Variants in SLC12A7 observed in about 807,000 individuals in gnomAD.
SLC12A7 encodes the protein solute carrier family 12 member 7.
A neutral mutation model predicts 120.6 loss-of-function variants in SLC12A7; 100 were observed. The observed-to-expected ratio is 0.83, with a 90% CI of 0.71 to 0.98. The LOEUF (loss-of-function observed/expected upper bound fraction) is 0.98, where lower values mean the gene tolerates loss of function less well. Among genes scored for constraint, SLC12A7 ranks in the 50% least tolerant of loss-of-function variants. SLC12A7 has a pLI of 0.00. For missense variants in SLC12A7, 1,373 were observed against 1,548.1 expected (o/e 0.89, Z 1.90); for synonymous variants, 760 against 678.0 (o/e 1.12, Z -1.88).
At chr5:1,144,151 G>A in the SLC12A7 span, among the ~76,000 whole-genome samples, 1 of 152,182 alleles carries the variant, frequency 6.6e-6, no homozygotes, top group Admixed American at 6.5e-5. Context: ...AGAGGACGTG[G>A]ACGCACCCAC....
upstream of SLC12A7, among the ~76,000 whole-genome samples, chr5:1,114,887 T>A (rs1390051403): frequency 6.6e-6 from 1 of 152,206 alleles, no homozygotes; most frequent in Non-Finnish European, 1.5e-5. Flanking sequence ...GGTGGCTTCG[T>A]CATGAATTCA....
At chr5:1,123,936 C>T in the SLC12A7 span, among the ~76,000 whole-genome samples, 1 of 152,228 alleles carries the variant, frequency 6.6e-6, no homozygotes, top group Non-Finnish European at 1.5e-5. Context: ...AAATATTTGG[C>T]TTGCATCACG....
At chr5:1,099,505 GC>G (rs1741781689) in intron 1 of SLC12A7, among the ~76,000 whole-genome samples, 13 of 151,652 alleles carry the variant, frequency 8.6e-5, no homozygotes, top group South Asian at 2.1e-4. Flanking sequence ...CCGGGGGACG[GC>G]AGGCATCCTC....
intron 10 of SLC12A7, 87 bp downstream of exon 10, chr5:1,079,311 C>CGAGGGTATGATGCTGAGCCGGG (rs1738730876): frequency 4.8e-6 from 5 of 1,032,460 alleles, no homozygotes; most frequent in African/African-American, 3.2e-5. Flanking sequence ...TGCTGGTGGC[C>CGAGGGTATGATGCTGAGCCGGG]GAGGGTATGA....
the SLC12A7 span, among the ~76,000 whole-genome samples, chr5:1,128,336 A>G: frequency 3.9e-5 from 6 of 152,248 alleles, no homozygotes; most frequent in African/African-American, 2.4e-5. Context: ...AGTCAGGCCC[A>G]GTGGAAACTG....
In SLC12A7 at chr5:1,078,627, C is replaced by G. The variant is rs1270677797; in HGVS notation, c.1454+74G>C. The G allele has an allele frequency of 2.7e-5, 34 of 1,281,642 alleles. No individual in the cohort carries two copies. In the South Asian group the frequency reaches 3.7e-4, roughly 14 times the overall value. The allele number at this position is 1,281,642 out of a possible 1,614,324, so 79.4% of individuals were successfully genotyped here. A position where few individuals can be genotyped will look rare whatever the true frequency, so the allele number is the denominator to read the frequency against. ...ATGAAGTCCTAGGGCGATGTAATTTCAAAGCCGAATTCATCCTCAGGAAAA... is the reference window on the plus strand; with the variant it reads ...ATGAAGTCCTAGGGCGATGTAATTTGAAAGCCGAATTCATCCTCAGGAAAA... On this transcript the variant is annotated intron_variant, in intron 11 of 23. Transcript: ENST00000264930.
At chr5:1,155,135 G>C in the SLC12A7 span, among the ~76,000 whole-genome samples, 3 of 112,358 alleles carry the variant, frequency 2.7e-5, no homozygotes, top group African/African-American at 1.0e-4. Context: ...CGGGACCCCC[G>C]TGTGAGCAGC....
chr5:1,152,677 GC>G, the SLC12A7 span, among the ~76,000 whole-genome samples: 1 of 152,078 alleles, frequency 6.6e-6, no homozygotes, highest in African/African-American at 2.4e-5. Flanking sequence ...GAACGGAGAC[GC>G]CCCCCGGACC....
rs755176624 is a variant in SLC12A7 at position 1,060,331 on chromosome 5, G to A, written c.2847+13C>T. ...CAGAAAGCCTGGTGTCTGTGGCCACGGCCCCCACGTACCTCTCGCTCCTGC... is the reference window on the plus strand; with the variant it reads ...CAGAAAGCCTGGTGTCTGTGGCCACAGCCCCCACGTACCTCTCGCTCCTGC... On this transcript the variant is annotated intron_variant, in intron 21 of 23. Coordinates refer to ENST00000264930, the MANE Select transcript of SLC12A7 (RefSeq NM_006598.3). 92 of 1,596,334 alleles carry A rather than the reference G, an allele frequency of 5.8e-5. No individual in the cohort carries two copies. In the South Asian group the frequency reaches 7.7e-4, roughly 13 times the overall value.
the SLC12A7 span, among the ~76,000 whole-genome samples, chr5:1,138,259 G>A: frequency 2.0e-5 from 3 of 152,162 alleles, no homozygotes; most frequent in Admixed American, 6.5e-5. Context: ...ACTGCCGGCG[G>A]GGTGGGGCAG....
At chr5:1,131,872 C>A in the SLC12A7 span, among the ~76,000 whole-genome samples, 1 of 152,196 alleles carries the variant, frequency 6.6e-6, no homozygotes, top group Non-Finnish European at 1.5e-5. Flanking sequence ...AGGTGGGGCC[C>A]AGCGCCCTGG....
At position 1,093,745 on chromosome 5, in the gene SLC12A7, C is replaced by G. The variant is rs6883411; in HGVS notation, c.220-90G>C. The G allele has an allele frequency of 0.48, 748,384 of 1,559,742 alleles. 185,694 individuals carry two copies. The highest frequency in any genetic ancestry group is 0.81 in the East Asian group (35,291 of 43,512). Reference sequence around the variant, plus strand: ...CCGTGTTCAGGGTGTGGAGCTCAGGCCCTCCCCGGGTCCTCAGCCCCTGGG... The same window carrying G: ...CCGTGTTCAGGGTGTGGAGCTCAGGGCCTCCCCGGGTCCTCAGCCCCTGGG... On this transcript the variant is annotated intron_variant, in intron 2 of 23. Transcript: ENST00000264930.
chr5:1,075,915 C>T (rs1738276380), intron 14 of SLC12A7: 2 of 540,872 alleles, frequency 3.7e-6, no homozygotes, highest in Admixed American at 3.4e-5. Context: ...AACCAGAGGC[C>T]TTCCTCAGGT....
rs766808233 is a variant in SLC12A7, at chr5:1,063,943, G to A, written c.2640C>T (p.Thr880=). The A allele has an allele frequency of 6.3e-5, 101 of 1,612,504 alleles. 1 individual carries two copies. The highest frequency in any genetic ancestry group is 3.3e-4 in the Middle Eastern group (2 of 6,082). ...VWRKCRMRIF[T]VAQVDDNSIQ... Reference sequence around the variant, plus strand: ...TGCTGTTGTCGTCCACCTGGGCCACGGTGAAGATACGCATCCGGCACTTCC... The same window carrying A: ...TGCTGTTGTCGTCCACCTGGGCCACAGTGAAGATACGCATCCGGCACTTCC... Residue 880 remains threonine, a synonymous_variant, in exon 20 of 24, where the codon ACC becomes ACT. Transcript: ENST00000264930.
chr5:1,140,173 C>T, the SLC12A7 span, among the ~76,000 whole-genome samples: 1 of 152,348 alleles, frequency 6.6e-6, no homozygotes, highest in Non-Finnish European at 1.5e-5. Context: ...CGCTGGCTGG[C>T]TGTCTCGTAC....
chr5:1,087,839 G>GT (rs1283454988), intron 5 of SLC12A7, among the ~76,000 whole-genome samples: 3 of 152,202 alleles, frequency 2.0e-5, no homozygotes, highest in Non-Finnish European at 4.4e-5. Context: ...TAGTTATTAC[G>GT]TATTGTAATT....
Position 1,093,556 on chromosome 5 carries a change from C to G in SLC12A7, c.319G>C (p.Glu107Gln). The G allele has an allele frequency of 6.2e-7, 1 of 1,601,224 alleles. No individual in the cohort carries two copies. Among genetic ancestry groups the G allele is most frequent in the Non-Finnish European group, 8.5e-7 (1 of 1,174,896 alleles). ...ACCTTGGCCTCCCGCCGCCGGCTCT[C>G]CTCGTCCTCCTCGTGCTCCACCACG... ...QGVVEHEEDE[E>Q]SRRREAKAPR... Residue 107 changes from glutamate (E) to glutamine (Q), a missense_variant, in exon 3 of 24, where the codon GAG becomes CAG. Physicochemically the swap from Glu to Gln is conservative, Grantham distance 29. Coordinates refer to ENST00000264930, the MANE Select transcript of SLC12A7 (RefSeq NM_006598.3).
chr5:1,074,845 T>C, intron 15 of SLC12A7, 174 bp from the exon 16 acceptor site: 1 of 626,724 alleles, frequency 1.6e-6, no homozygotes, highest in South Asian at 2.0e-5. Context: ...GAGCCCGTCC[T>C]AGGAGCCACC....
chr5:1,084,630 G>C (rs1336004272), intron 7 of SLC12A7, among the ~76,000 whole-genome samples: 1 of 152,208 alleles, frequency 6.6e-6, no homozygotes, highest in Non-Finnish European at 1.5e-5. Flanking sequence ...CCTAAAACGG[G>C]CTTGTGGGGT....
Sources: allele counts gnomAD v4.1 joint callset (sites outside exome capture counted in the v4.1 genomes callset), GRCh38; gene constraint gnomAD v4.1.1; transcripts MANE v1.5; gene names NCBI Gene and HGNC (gene_info 2026-07-23, HGNC 2026-07-21).